The following NIPAL2 variants were observed in gnomAD, a reference collection of about 807,000 sequenced individuals.
The protein encoded by NIPAL2 is NIPA-like protein 2.
In NIPAL2, 43 loss-of-function variants were observed where a neutral mutation model predicts 48.9. That is an observed-to-expected ratio of 0.88 (90% CI 0.69 to 1.13). The LOEUF is 1.13. Ranked by LOEUF, NIPAL2 falls within the 50% of genes most tolerant of loss-of-function variation. NIPAL2 has a pLI of 0.00. For synonymous variants in NIPAL2, 167 were observed against 174.6 expected (o/e 0.96, Z 0.34); for missense variants, 446 against 461.4 (o/e 0.97, Z 0.31).
intron 1 of NIPAL2, among the ~76,000 whole-genome samples, chr8:98,291,935 G>A (rs2130928490): frequency 6.6e-6 from 1 of 152,332 alleles, no homozygotes; most frequent in East Asian, 1.9e-4. Flanking sequence ...TGTTAAACAT[G>A]TATTACATGA....
In NIPAL2 at chr8:98,274,963, C is replaced by T. The variant is rs1220231063; in HGVS notation, c.135+19040G>A. 2.0e-5 allele frequency among the ~76,000 whole-genome samples: 3 copies of T among 152,136 alleles called. No individual in the cohort carries two copies. The East Asian group carries it at 5.8e-4, about 29-fold the overall frequency. On this transcript the variant is annotated intron_variant, in intron 1 of 10. Coordinates refer to ENST00000430223, the MANE Select transcript of NIPAL2 (RefSeq NM_001321635.2). ...CTTATTTCTATTATTTTAGTAAGTA[C>T]TGCTATTTTTTTAAACCTTTAATTT...
intron 1 of NIPAL2, among the ~76,000 whole-genome samples, chr8:98,265,159 AC>A (rs1814629739): frequency 1.4e-5 from 2 of 145,348 alleles, no homozygotes; most frequent in Middle Eastern, 3.6e-3. Context: ...TAAACGTTAG[AC>A]CTAAAACCAT....
In NIPAL2 at chr8:98,194,725, T is replaced by C; in HGVS notation, c.1039+3A>G. 6.6e-7 allele frequency: 1 copy of C among 1,519,276 alleles called. No homozygotes were observed. The highest frequency in any genetic ancestry group is 8.9e-7 in the Non-Finnish European group (1 of 1,126,806). The allele number at this position is 1,519,276 out of a possible 1,614,324, so 94.1% of individuals were successfully genotyped here. On this transcript the variant is annotated splice_donor_region_variant and intron_variant, in intron 10 of 10. Transcript: ENST00000430223. ...TTCCACTATAAAGAATATATGATTT[T>C]ACCAGGAATATTTCCAAAATCAATA...
At chr8:98,291,772 C>G (rs747424882) in intron 1 of NIPAL2, among the ~76,000 whole-genome samples, 19 of 152,208 alleles carry the variant, frequency 1.2e-4, no homozygotes, top group Non-Finnish European at 2.1e-4. Context: ...ACCAAGCACA[C>G]AGCGTCTGAG....
intron 3 of NIPAL2, among the ~76,000 whole-genome samples, chr8:98,250,578 G>C (rs2130825616): frequency 6.6e-6 from 1 of 152,328 alleles, no homozygotes; most frequent in South Asian, 2.1e-4. Flanking sequence ...GAGGCTGTAA[G>C]TTCACATCTT....
intron 6 of NIPAL2, among the ~76,000 whole-genome samples, chr8:98,211,816 G>A (rs1347526898): frequency 1.3e-5 from 2 of 151,362 alleles, no homozygotes; most frequent in Non-Finnish European, 2.9e-5. Context: ...CAGGGACAGA[G>A]AGACAGAAAG....
chr8:98,281,596 T>A (rs1815833548), intron 1 of NIPAL2, among the ~76,000 whole-genome samples: 1 of 152,224 alleles, frequency 6.6e-6, no homozygotes, highest in Admixed American at 6.5e-5. Flanking sequence ...ATATCTCATG[T>A]ACCCCATAAA....
chr8:98,253,743 A>G (rs79906607), intron 2 of NIPAL2, among the ~76,000 whole-genome samples: 483 of 152,332 alleles, frequency 3.2e-3, no homozygotes, highest in African/African-American at 0.011. Flanking sequence ...TATCCATTAG[A>G]CACCGTCGGC....
At chr8:98,234,525 G>A (rs1269972710) in intron 4 of NIPAL2, among the ~76,000 whole-genome samples, 7 of 152,012 alleles carry the variant, frequency 4.6e-5, no homozygotes, top group African/African-American at 1.7e-4. Flanking sequence ...CTAATTTTTA[G>A]TTTATAAAAC....
intron 1 of NIPAL2, among the ~76,000 whole-genome samples, chr8:98,289,649 C>G (rs1254663692): frequency 2.0e-5 from 3 of 152,016 alleles, no homozygotes; most frequent in Non-Finnish European, 4.4e-5. Flanking sequence ...CCATGCTTGG[C>G]TTCTTGCTGC....
chr8:98,263,285 GA>G (rs1271736504), intron 1 of NIPAL2, among the ~76,000 whole-genome samples: 3 of 147,412 alleles, frequency 2.0e-5, no homozygotes, highest in African/African-American at 7.6e-5. Flanking sequence ...AATCAGAGCA[GA>G]ACTGAAGGAA....
At chr8:98,283,445 T>C (rs1451640452) in intron 1 of NIPAL2, among the ~76,000 whole-genome samples, 2 of 152,196 alleles carry the variant, frequency 1.3e-5, no homozygotes, top group African/African-American at 4.8e-5. Context: ...TCCTGTATAA[T>C]ATTGGGGAGG....
chr8:98,214,186 T>C (rs1811458552), intron 5 of NIPAL2, among the ~76,000 whole-genome samples: 1 of 150,992 alleles, frequency 6.6e-6, no homozygotes, highest in Non-Finnish European at 1.5e-5. Context: ...TTTTTTGAGA[T>C]GGAGTCTCAC....
intron 4 of NIPAL2, among the ~76,000 whole-genome samples, chr8:98,227,227 C>A (rs887637619): frequency 6.6e-6 from 1 of 152,090 alleles, no homozygotes; most frequent in Non-Finnish European, 1.5e-5. Flanking sequence ...CCCCAAGAGC[C>A]CTCTTGGTCC....
At chr8:98,229,000 GC>G (rs1812311921) in intron 4 of NIPAL2, among the ~76,000 whole-genome samples, 1 of 152,178 alleles carries the variant, frequency 6.6e-6, no homozygotes, top group African/African-American at 2.4e-5. Context: ...GGAAACTAGT[GC>G]ATAGAGTCCC....
At chr8:98,290,737 T>C (rs898992034) in intron 1 of NIPAL2, among the ~76,000 whole-genome samples, 2 of 152,108 alleles carry the variant, frequency 1.3e-5, no homozygotes, top group Admixed American at 6.5e-5. Flanking sequence ...TCCATAAAAA[T>C]TAAAAAATCT....
At chr8:98,225,400 A>G (rs1191448808) in intron 4 of NIPAL2, among the ~76,000 whole-genome samples, 2 of 152,236 alleles carry the variant, frequency 1.3e-5, no homozygotes, top group African/African-American at 4.8e-5. Context: ...AAGTGGTATG[A>G]AACGTCAGTT....
At chr8:98,284,035 T>C (rs547593606) in intron 1 of NIPAL2, among the ~76,000 whole-genome samples, 1 of 152,156 alleles carries the variant, frequency 6.6e-6, no homozygotes, top group Non-Finnish European at 1.5e-5. Flanking sequence ...AAAGGGCCAA[T>C]CCTCACAGCC....
At chr8:98,217,214 G>A in intron 5 of NIPAL2, 1 of 985,428 alleles carries the variant, frequency 1.0e-6, no homozygotes, top group Non-Finnish European at 1.2e-6. Context: ...CCAGATCAGA[G>A]GAAAAGCTCC....
Sources: allele counts gnomAD v4.1 joint callset (sites outside exome capture counted in the v4.1 genomes callset), GRCh38; gene constraint gnomAD v4.1.1; transcripts MANE v1.5; gene names NCBI Gene and HGNC (gene_info 2026-07-23, HGNC 2026-07-21).